The following STAG2 variants were observed in gnomAD, a reference collection of about 807,000 sequenced individuals.
STAG2 encodes the protein cohesin subunit SA-2.
Under a neutral mutation model 108.1 loss-of-function variants are expected in STAG2, and 14 were observed. The observed-to-expected ratio is 0.13, with a 90% confidence interval of 0.09 to 0.20. The LOEUF is 0.20. Ranked by LOEUF, STAG2 falls within the 10% of genes least tolerant of loss-of-function variation. The pLI is 1.00. For missense variants in STAG2, 440 were observed against 940.9 expected (o/e 0.47, Z 6.96); for synonymous variants, 307 against 302.7 (o/e 1.01, Z -0.15).
chrX:124,041,051 A>T (rs1022020753), intron 6 of STAG2, among the ~76,000 whole-genome samples: 1 of 107,469 alleles, frequency 9.3e-6, no homozygotes, highest in Non-Finnish European at 1.9e-5. Context: ...GGGTTTCACC[A>T]TATTGGCCAG....
intron 30 of STAG2, among the ~76,000 whole-genome samples, chrX:124,087,087 T>C (rs982279669): frequency 8.9e-6 from 1 of 112,183 alleles, no homozygotes; most frequent in Non-Finnish European, 1.9e-5. Flanking sequence ...TGTGCTACAC[T>C]GTATGCATAG....
chrX:123,999,238 G>A (rs1203263579), intron 1 of STAG2, among the ~76,000 whole-genome samples: 2 of 111,903 alleles, frequency 1.8e-5, no homozygotes, highest in African/African-American at 6.5e-5. Flanking sequence ...ATGTGCTTTT[G>A]TGTCTGTCTT....
At chrX:124,082,824 A>G (rs1233284360) in intron 28 of STAG2, among the ~76,000 whole-genome samples, 1 of 111,987 alleles carries the variant, frequency 8.9e-6, no homozygotes, top group Non-Finnish European at 1.9e-5. Context: ...CAGAAATAAT[A>G]TCTTTTTTTC....
intron 33 of STAG2, 64 bp downstream of exon 33, chrX:124,094,208 T>C (rs2059324505): frequency 9.3e-7 from 1 of 1,070,521 alleles, no homozygotes; most frequent in Admixed American, 2.6e-5. Flanking sequence ...ATGTTGGATA[T>C]TTATTAGAGT....
intron 1 of STAG2, among the ~76,000 whole-genome samples, chrX:123,977,532 CTTT>C (rs768898126): frequency 1.8e-5 from 2 of 110,851 alleles, no homozygotes; most frequent in African/African-American, 3.3e-5. Context: ...CCTTATTTTA[CTTT>C]TATGCTGTTA....
intron 1 of STAG2, among the ~76,000 whole-genome samples, chrX:123,998,471 G>A (rs367919295): frequency 3.8e-5 from 4 of 104,674 alleles, no homozygotes; most frequent in South Asian, 4.3e-4. Flanking sequence ...ACGCCCTGCC[G>A]TGTGTGTGTA....
At chrX:123,962,599 C>T (rs1213542546) in intron 1 of STAG2, among the ~76,000 whole-genome samples, 1 of 111,201 alleles carries the variant, frequency 9.0e-6, no homozygotes, top group Non-Finnish European at 1.9e-5. Flanking sequence ...TGCCTACCAC[C>T]CCTCTTCCCT....
chrX:124,096,874 C>T (rs2059391577), intron 34 of STAG2, among the ~76,000 whole-genome samples: 1 of 112,157 alleles, frequency 8.9e-6, no homozygotes, highest in African/African-American at 3.2e-5. Context: ...TTCACACTAA[C>T]ATGTTTACTA....
At chrX:124,050,401 G>A in intron 11 of STAG2, 92 bp downstream of exon 11, 1 of 927,772 alleles carries the variant, frequency 1.1e-6, no homozygotes. Context: ...ATGTATACCT[G>A]GTGACACATT....
intron 2 of STAG2, 82 bp from the exon 3 acceptor site, chrX:124,022,449 G>A: frequency 2.5e-6 from 1 of 394,287 alleles, no homozygotes; most frequent in East Asian, 4.6e-5. Context: ...TAGGCACTGG[G>A]GAATTTAACT....
intron 1 of STAG2, among the ~76,000 whole-genome samples, chrX:124,001,065 GTTTAA>G (rs2056012124): frequency 1.8e-5 from 2 of 111,484 alleles, no homozygotes; most frequent in Non-Finnish European, 1.9e-5. Flanking sequence ...AGTAAATGAA[GTTTAA>G]TTTATTATTG....
intron 23 of STAG2, among the ~76,000 whole-genome samples, chrX:124,067,001 ACTT>A (rs2058549198): frequency 9.0e-6 from 1 of 111,535 alleles, no homozygotes; most frequent in African/African-American, 3.3e-5. Flanking sequence ...TAAACATTGT[ACTT>A]GTAGTGCTGG....
At chrX:124,072,377 G>GT (rs2058684566) in intron 25 of STAG2, among the ~76,000 whole-genome samples, 1 of 111,998 alleles carries the variant, frequency 8.9e-6, no homozygotes, top group African/African-American at 3.2e-5. Flanking sequence ...TATATGGCAT[G>GT]TAGCTTACTT....
At chrX:124,089,342 TTATTAATTATGGCAACATTTACA>T in intron 30 of STAG2, among the ~76,000 whole-genome samples, 1 of 112,814 alleles carries the variant, frequency 8.9e-6, no homozygotes, top group Non-Finnish European at 1.9e-5. Flanking sequence ...CAAATTTGAC[TTATTAATTATGGCAACATTTACA>T]GACATTTGAA....
At position 124,086,926 on chromosome X, in the gene STAG2, A is replaced by G. The variant is rs1010273713; in HGVS notation, c.3277+156A>G. ...ACATGCTGTTGTAGGCATTTTAGAT[A>G]CATAAACTCAGTTCTCACAACTTTT... On this transcript the variant is annotated intron_variant, in intron 30 of 34. Transcript: ENST00000371145. Among the ~76,000 whole-genome samples, 12 of 112,808 alleles carry G rather than the reference A, an allele frequency of 1.1e-4. No homozygotes were observed. In the East Asian group the frequency reaches 3.3e-3, roughly 31 times the overall value.
intron 8 of STAG2, among the ~76,000 whole-genome samples, chrX:124,045,794 T>C (rs981963820): frequency 1.8e-5 from 2 of 111,150 alleles, no homozygotes; most frequent in Admixed American, 9.6e-5. Context: ...AGGGAAGATA[T>C]TGACAGCAGA....
rs749851312 is a variant in STAG2, at chrX:124,063,875, C to T, written c.1849C>T (p.Arg617Trp). The T allele has an allele frequency of 1.4e-5, 17 of 1,207,979 alleles. No individual in the cohort carries two copies. The highest frequency in any genetic ancestry group is 2.3e-4 in the Middle Eastern group (1 of 4,345). ...TTTGGATGCCTTATTGCGACAGATC[C>T]GGAATATTGTAGAGAAGCACACAGA... ...KHLDALLRQI[R>W]NIVEKHTDTD... is the part of the protein sequence containing the mutation. The change falls in exon 20 of 35, where the codon CGG (arginine) becomes TGG (tryptophan). Residue 617 changes from arginine (R) to tryptophan (W), a missense_variant. Arg to Trp is a moderately radical substitution (Grantham distance 101, BLOSUM62 -3). Around this residue, in one of 3 missense-constraint regions of STAG2, gnomAD observed 337 missense variants for 649.3 expected, o/e 0.52. Transcript: ENST00000371145.
At chrX:123,985,717 C>T (rs1343627937) in intron 1 of STAG2, among the ~76,000 whole-genome samples, 2 of 109,179 alleles carry the variant, frequency 1.8e-5, no homozygotes, top group Admixed American at 9.9e-5. Flanking sequence ...ATTACAGGCA[C>T]GCTCTACCGT....
intron 13 of STAG2, among the ~76,000 whole-genome samples, chrX:124,052,081 G>A (rs746636884): frequency 2.7e-5 from 3 of 112,065 alleles, no homozygotes; most frequent in South Asian, 3.7e-4. Flanking sequence ...ACTTCTCATA[G>A]CACCTTTAAA....
Sources: allele counts gnomAD v4.1 joint callset (sites outside exome capture counted in the v4.1 genomes callset), GRCh38; gene constraint gnomAD v4.1.1; regional missense constraint gnomAD v4.1.1; transcripts MANE v1.5; gene names NCBI Gene and HGNC (gene_info 2026-07-23, HGNC 2026-07-21).